USP43: variants seen among roughly 807,000 people sequenced by gnomAD.
USP43 encodes the protein ubiquitin specific peptidase 43.
A neutral mutation model predicts 90.7 loss-of-function variants in USP43; 33 were observed. The ratio of observed to expected loss-of-function variants is 0.36; its 90% CI spans 0.28 to 0.49. USP43 has a LOEUF of 0.49. USP43 is among the 20% of genes least tolerant of loss of function. The pLI is 0.98. For synonymous variants in USP43, 598 were observed against 615.8 expected, an observed-to-expected ratio of 0.97 and a Z score of 0.43; for missense variants, 1,274 against 1,476.4, an observed-to-expected ratio of 0.86 and a Z score of 2.25.
chr17:9,688,022 G>A (rs1567664778), intron 8 of USP43, among the ~76,000 whole-genome samples: 1 of 152,200 alleles, frequency 6.6e-6, no homozygotes, highest in Non-Finnish European at 1.5e-5. Context: ...GTCTCACTCT[G>A]TCGCCCAGGC....
chr17:9,678,063 G>C (rs968117478), intron 5 of USP43, among the ~76,000 whole-genome samples: 1 of 152,142 alleles, frequency 6.6e-6, no homozygotes, highest in Non-Finnish European at 1.5e-5. Flanking sequence ...GAGAGAGAGG[G>C]GGACAGTGGG....
intron 14 of USP43, among the ~76,000 whole-genome samples, chr17:9,723,904 C>T (rs954610198): frequency 1.1e-4 from 17 of 152,092 alleles, no homozygotes; most frequent in South Asian, 4.2e-4. Flanking sequence ...CCACCGCGCC[C>T]GGCTTCCCTT....
In USP43 at chr17:9,676,743, C is replaced by T; in HGVS notation, c.834-3C>T. 1 of 1,612,156 alleles carries T rather than the reference C, an allele frequency of 6.2e-7. No individual in the cohort carries two copies. Among genetic ancestry groups the T allele is most frequent in the Non-Finnish European group, 8.5e-7 (1 of 1,179,084 alleles). On this transcript the variant is annotated splice_region_variant and splice_polypyrimidine_tract_variant and intron_variant, in intron 4 of 14. Coordinates refer to ENST00000285199, the MANE Select transcript of USP43 (RefSeq NM_153210.5). Reference sequence around the variant, plus strand: ...AAGGGTGTTGCCCCTTCCTATTTTCCAGGTTCTTGAGTGTCACCTTGGTCT... The same window carrying T: ...AAGGGTGTTGCCCCTTCCTATTTTCTAGGTTCTTGAGTGTCACCTTGGTCT...
Position 9,728,771 on chromosome 17 carries a change from G to A in USP43, c.3153G>A (p.Leu1051=). 6.2e-7 allele frequency: 1 copy of A among 1,607,578 alleles called. No individual in the cohort carries two copies. Among genetic ancestry groups the A allele is most frequent in the Non-Finnish European group, 8.5e-7 (1 of 1,176,776 alleles). The change falls in exon 15 of 15, where the codon CTG becomes CTA. Residue 1051 remains leucine (L), a synonymous_variant. Coordinates refer to ENST00000285199, the MANE Select transcript of USP43 (RefSeq NM_153210.5). This position sits in a 1 kb window ranked among gnomAD's most constrained non-coding sequence, Gnocchi z 6.2. ...SPPALRIPEG[L]ARGLGSRLER... is the part of the protein sequence containing the mutation. The stretch of plus-strand genomic sequence containing the variant: ...CTGCCCTCAGGATCCCAGAGGGCCT[G>A]GCCAGGGGCCTGGGCAGCCGGCTCG...
intron 2 of USP43, 61 bp downstream of exon 2, chr17:9,656,595 C>T (rs1912271294): frequency 6.6e-7 from 1 of 1,515,348 alleles, no homozygotes; most frequent in Non-Finnish European, 8.8e-7. Context: ...TAAATATTGA[C>T]TCAGCTCCTC....
rs184805668 is a variant in USP43, at chr17:9,650,352, A to C, written c.504+4216A>C. On this transcript the variant is annotated intron_variant, in intron 1 of 14. Coordinates refer to ENST00000285199, the MANE Select transcript of USP43 (RefSeq NM_153210.5). Reference sequence around the variant, plus strand: ...AGCATAAAATTTAGGAAGTTTTAACAAATGTGTGAACCTGTGTAGTCACCA... The same window carrying C: ...AGCATAAAATTTAGGAAGTTTTAACCAATGTGTGAACCTGTGTAGTCACCA... Among the ~76,000 whole-genome samples the C allele has an allele frequency of 3.8e-3, 577 of 152,324 alleles. 21 individuals carry two copies. Among genetic ancestry groups the C allele is most frequent in the Admixed American group, 0.036 (549 of 15,294 alleles).
intron 9 of USP43, among the ~76,000 whole-genome samples, chr17:9,696,376 C>T (rs370268310): frequency 9.9e-5 from 15 of 152,118 alleles, no homozygotes; most frequent in Non-Finnish European, 1.3e-4. Flanking sequence ...TCAGGCAATC[C>T]GCCTGCCTCT....
At chr17:9,707,534 C>T (rs1454838166) in intron 12 of USP43, among the ~76,000 whole-genome samples, 1 of 151,352 alleles carries the variant, frequency 6.6e-6, no homozygotes, top group Middle Eastern at 3.2e-3. Context: ...GTAGTCCCAA[C>T]TACTCGGGAG....
rs1916528008 is a variant in USP43, at chr17:9,715,889, CTGTGTGTCTA to C, written c.2335+3761_2335+3770del. On this transcript the variant is annotated intron_variant, in intron 14 of 14. Transcript: ENST00000285199. ...TCTCTGTGTATCTGTGTGTGTGTCT[CTGTGTGTCTA>C]TGTATATGTATCTGTGTATATGTGT... Among the ~76,000 whole-genome samples the C allele has an allele frequency of 2.1e-5, 3 of 145,886 alleles. No individual in the cohort carries two copies. In the South Asian group the frequency reaches 6.6e-4, roughly 32 times the overall value.
chr17:9,704,307 T>C (rs1454827912), intron 12 of USP43, among the ~76,000 whole-genome samples: 2 of 152,132 alleles, frequency 1.3e-5, no homozygotes, highest in African/African-American at 4.8e-5. Context: ...TGTGCTTTTT[T>C]TTGTTTTGTT....
intron 2 of USP43, among the ~76,000 whole-genome samples, chr17:9,663,244 G>A (rs367576772): frequency 8.0e-4 from 121 of 151,832 alleles, no homozygotes; most frequent in African/African-American, 2.6e-3. Flanking sequence ...TTTTTTAGCC[G>A]GATCAGAGCA....
chr17:9,698,362 T>G (rs540381436), intron 9 of USP43, among the ~76,000 whole-genome samples: 8 of 152,330 alleles, frequency 5.3e-5, no homozygotes, highest in Non-Finnish European at 1.0e-4. Context: ...TTGTTTATGT[T>G]GCATTTGCTT....
chr17:9,675,318 T>TC (rs1325897373), intron 4 of USP43, among the ~76,000 whole-genome samples: 1 of 152,142 alleles, frequency 6.6e-6, no homozygotes, highest in Non-Finnish European at 1.5e-5. Context: ...TGCTTTTTTT[T>TC]CCCCAGCTTT....
intron 14 of USP43, among the ~76,000 whole-genome samples, 170 bp downstream of exon 14, chr17:9,712,302 G>A (rs933401381): frequency 6.6e-6 from 1 of 151,998 alleles, no homozygotes; most frequent in Non-Finnish European, 1.5e-5. Context: ...TTCCTTGCCC[G>A]CTTCTCCCCA....
At position 9,674,617 on chromosome 17, in the gene USP43, G is replaced by A. The variant is rs1444268429; in HGVS notation, c.741-274G>A. Among the ~76,000 whole-genome samples, 1 of 152,142 alleles carries A rather than the reference G, an allele frequency of 6.6e-6. No homozygotes were observed. The highest frequency in any genetic ancestry group is 2.4e-5 in the African/African-American group (1 of 41,422). ...GACCAGGGGTTCATTCCTTTCTATGGCTGAGTTGTACTCTACTATGTGGAC... is the reference window on the plus strand; with the variant it reads ...GACCAGGGGTTCATTCCTTTCTATGACTGAGTTGTACTCTACTATGTGGAC... On this transcript the variant is annotated intron_variant, in intron 3 of 14. Transcript: ENST00000285199. The surrounding 1 kb of genome is among the most constrained non-coding windows in gnomAD (Gnocchi z 4.4).
At chr17:9,698,401 G>C (rs573821380) in intron 9 of USP43, among the ~76,000 whole-genome samples, 1 of 152,276 alleles carries the variant, frequency 6.6e-6, no homozygotes, top group South Asian at 2.1e-4. Flanking sequence ...CTCTGGCCAA[G>C]TCCTGCCCCA....
chr17:9,693,085 T>A (rs1915054115), intron 8 of USP43, 42 bp from the exon 9 acceptor site: 1 of 1,482,712 alleles, frequency 6.7e-7, no homozygotes, highest in East Asian at 2.3e-5. Flanking sequence ...TAAATCAATA[T>A]AGGGGCTACG....
rs752657495 is a variant in USP43, at chr17:9,728,647, G to A, written c.3029G>A (p.Arg1010Lys). The change falls in exon 15 of 15, where the codon AGG becomes AAG. Residue 1010 changes from arginine (R) to lysine (K), a missense_variant. Around this residue, in one of 6 missense-constraint regions of USP43, gnomAD observed 353 missense variants for 329.7 expected, o/e 1.07. Transcript: ENST00000285199. The surrounding 1 kb of genome is among the most constrained non-coding windows in gnomAD (Gnocchi z 6.2). Reference sequence around the variant, plus strand: ...GTGTTTCGGAAGAAGGAGAACAGGAGGAATGAGAGGGCAGAGGTCTCTCCA... The same window carrying A: ...GTGTTTCGGAAGAAGGAGAACAGGAAGAATGAGAGGGCAGAGGTCTCTCCA... ...RSVFRKKENRRNERAEVSPQV... is the reference protein window; with the variant it reads ...RSVFRKKENRKNERAEVSPQV... The A allele has an allele frequency of 7.4e-6, 12 of 1,613,648 alleles. No homozygotes were observed. The South Asian group carries it at 8.8e-5, about 12-fold the overall frequency.
At chr17:9,704,281 G>T (rs932328891) in intron 12 of USP43, among the ~76,000 whole-genome samples, 2 of 152,014 alleles carry the variant, frequency 1.3e-5, no homozygotes, top group Non-Finnish European at 2.9e-5. Context: ...TGATCTTCAG[G>T]TCTGGGAAAT....
Sources: gnomAD v4.1 joint callset for allele counts (sites outside exome capture counted in the v4.1 genomes callset) on GRCh38, gnomAD v4.1.1 for gene constraint, gnomAD v4.1.1 regional missense constraint, Gnocchi (gnomAD v3.1) non-coding constraint, MANE v1.5 for transcripts, NCBI Gene and HGNC (gene_info 2026-07-23, HGNC 2026-07-21) for gene names.